SIDT1: variants seen among roughly 807,000 people sequenced by gnomAD.
SIDT1 encodes the protein SID1 transmembrane family member 1, also known as SID1 transmembrane family, member 1.
Under a neutral mutation model 107.5 loss-of-function variants are expected in SIDT1, and 101 were observed. The ratio of observed to expected loss-of-function variants is 0.94; its 90% CI spans 0.80 to 1.11. The LOEUF is 1.11. SIDT1 is among the 50% of genes least tolerant of loss of function. The pLI is 0.00. For missense variants in SIDT1, 1,076 were observed against 1,058.2 expected (o/e 1.02, Z -0.23); for synonymous variants, 395 against 398.2 (o/e 0.99, Z 0.10).
At chr3:113,598,460 A>C (rs577664823) in intron 10 of SIDT1, among the ~76,000 whole-genome samples, 7 of 152,308 alleles carry the variant, frequency 4.6e-5, no homozygotes, top group Admixed American at 6.5e-5. Context: ...ACAAACTTCA[A>C]CTTCCCATAT....
chr3:113,554,354 C>T (rs990177016), intron 1 of SIDT1, among the ~76,000 whole-genome samples: 1 of 152,290 alleles, frequency 6.6e-6, no homozygotes, highest in East Asian at 1.9e-4. Context: ...TGGGCTGTGT[C>T]TCCATCCAAA....
chr3:113,544,747 C>T (rs1425494453), intron 1 of SIDT1, among the ~76,000 whole-genome samples: 1 of 152,088 alleles, frequency 6.6e-6, no homozygotes, highest in Admixed American at 6.6e-5. Flanking sequence ...ATGGTTAACC[C>T]TGGTTACTTA....
chr3:113,592,924 C>T (rs956283266), intron 9 of SIDT1, 81 bp from the exon 10 acceptor site: 21 of 1,150,840 alleles, frequency 1.8e-5, no homozygotes, highest in Admixed American at 1.0e-4. Flanking sequence ...TAGACAAATC[C>T]GCAACAAAAT....
At chr3:113,574,320 TG>T (rs1003236366) in intron 3 of SIDT1, among the ~76,000 whole-genome samples, 3 of 152,268 alleles carry the variant, frequency 2.0e-5, no homozygotes, top group Admixed American at 6.5e-5. Flanking sequence ...GCTACAGTCC[TG>T]AAGGGAGTTC....
chr3:113,600,740 G>T (rs1944900098), intron 10 of SIDT1, among the ~76,000 whole-genome samples: 1 of 152,242 alleles, frequency 6.6e-6, no homozygotes, highest in African/African-American at 2.4e-5. Context: ...TTAACAGTCT[G>T]AAGGTAACCT....
chr3:113,577,065 G>A (rs1166188728), intron 4 of SIDT1, 98 bp downstream of exon 4: 3 of 1,173,456 alleles, frequency 2.6e-6, no homozygotes, highest in Non-Finnish European at 3.8e-6. Context: ...AGCGTGTGGT[G>A]TTGCCCTTGA....
chr3:113,562,674 A>T (rs930295157), intron 1 of SIDT1, among the ~76,000 whole-genome samples: 36 of 152,188 alleles, frequency 2.4e-4, no homozygotes, highest in African/African-American at 8.2e-4. Context: ...AGACAGAAAT[A>T]AGGTTAGTGG....
At chr3:113,539,220 T>C (rs1231027421) in intron 1 of SIDT1, among the ~76,000 whole-genome samples, 2 of 152,226 alleles carry the variant, frequency 1.3e-5, no homozygotes, top group Admixed American at 6.5e-5. Context: ...ATCATGAGCT[T>C]ATGCATTTAA....
chr3:113,605,040 T>G (rs1945226117), intron 14 of SIDT1, 64 bp downstream of exon 14: 1 of 1,559,928 alleles, frequency 6.4e-7, no homozygotes. Context: ...GAGTCTCCAC[T>G]GTGACTGACA....
At chr3:113,611,277 C>A in intron 18 of SIDT1, 133 bp downstream of exon 18, 1 of 1,032,336 alleles carries the variant, frequency 9.7e-7, no homozygotes, top group Non-Finnish European at 1.4e-6. Context: ...TCTCATGACA[C>A]AATTTCATCT....
intron 1 of SIDT1, 67 bp from the exon 2 acceptor site, chr3:113,566,353 T>C: frequency 1.3e-6 from 2 of 1,486,208 alleles, no homozygotes; most frequent in South Asian, 1.2e-5. Context: ...TGTGTGTGTG[T>C]GTGTGTGTGT....
At chr3:113,584,974 C>T (rs1943634685) in intron 8 of SIDT1, among the ~76,000 whole-genome samples, 1 of 152,170 alleles carries the variant, frequency 6.6e-6, no homozygotes, top group Non-Finnish European at 1.5e-5. Context: ...CCCTTCCCAG[C>T]TTCTACTGGG....
At chr3:113,602,850 G>C (rs551437358) in intron 11 of SIDT1, 155 bp from the exon 12 acceptor site, 1 of 668,510 alleles carries the variant, frequency 1.5e-6, no homozygotes, top group African/African-American at 1.8e-5. Context: ...CATTGAGAAG[G>C]AATAGAGAGA....
At chr3:113,608,011 C>T (rs549786145) in intron 15 of SIDT1, 83 bp from the exon 16 acceptor site, 1 of 1,368,318 alleles carries the variant, frequency 7.3e-7, no homozygotes, top group East Asian at 2.5e-5. Context: ...ATGCTGAATT[C>T]ATTCATTCCT....
At chr3:113,603,821 A>G in intron 12 of SIDT1, 139 bp from the exon 13 acceptor site, 2 of 605,474 alleles carry the variant, frequency 3.3e-6, no homozygotes, top group South Asian at 2.0e-5. Flanking sequence ...AATCAAATTT[A>G]GTAAATTTGA....
intron 19 of SIDT1, among the ~76,000 whole-genome samples, chr3:113,614,246 G>C (rs903010423): frequency 6.6e-6 from 1 of 152,188 alleles, no homozygotes; most frequent in South Asian, 2.1e-4. Context: ...GTCTCCTGCC[G>C]GAATTCCCCA....
chr3:113,600,640 T>G (rs1944893640), intron 10 of SIDT1, among the ~76,000 whole-genome samples: 1 of 152,176 alleles, frequency 6.6e-6, no homozygotes, highest in Non-Finnish European at 1.5e-5. Context: ...TATGGCCAAT[T>G]CTGTTCTAAG....
chr3:113,568,393 G>A (rs1942116846), intron 3 of SIDT1, among the ~76,000 whole-genome samples: 1 of 151,928 alleles, frequency 6.6e-6, no homozygotes, highest in Admixed American at 6.6e-5. Flanking sequence ...AGGAGATCGA[G>A]ACCATCCTGG....
chr3:113,619,323 A>G (rs1946305929), intron 20 of SIDT1, among the ~76,000 whole-genome samples: 1 of 152,218 alleles, frequency 6.6e-6, no homozygotes, highest in Non-Finnish European at 1.5e-5. Context: ...GCTCAATTAC[A>G]TAGTACCAGT....
Sources: gnomAD v4.1 joint callset for allele counts (sites outside exome capture counted in the v4.1 genomes callset) on GRCh38, gnomAD v4.1.1 for gene constraint, MANE v1.5 for transcripts, NCBI Gene and HGNC (gene_info 2026-07-23, HGNC 2026-07-21) for gene names.